PODXL2: variants seen among roughly 807,000 people sequenced by gnomAD.
PODXL2 encodes podocalyxin like 2.
A neutral mutation model predicts 53.4 loss-of-function variants in PODXL2; 17 were observed. The observed-to-expected ratio is 0.32, with a 90% CI of 0.22 to 0.48. The LOEUF is 0.48. Ranked by LOEUF, PODXL2 falls within the 20% of genes least tolerant of loss-of-function variation. PODXL2 has a pLI of 0.99. For synonymous variants in PODXL2, 311 were observed against 306.7 expected, an observed-to-expected ratio of 1.01 and a Z score of -0.15; for missense variants, 673 against 760.0, an observed-to-expected ratio of 0.89 and a Z score of 1.35.
At chr3:127,664,850 CATT>C (rs1559878646) in intron 4 of PODXL2, among the ~76,000 whole-genome samples, 1 of 152,030 alleles carries the variant, frequency 6.6e-6, no homozygotes, top group African/African-American at 2.4e-5. Context: ...GAGCATTAGT[CATT>C]ATTATTAACA....
At chr3:127,645,970 C>T (rs1463015000) in intron 2 of PODXL2, among the ~76,000 whole-genome samples, 1 of 152,142 alleles carries the variant, frequency 6.6e-6, no homozygotes, top group Non-Finnish European at 1.5e-5. Flanking sequence ...ATTGACTGTG[C>T]CAAGTGCTAT....
intron 4 of PODXL2, 138 bp downstream of exon 4, chr3:127,662,449 G>A (rs2074773961): frequency 1.7e-6 from 1 of 601,470 alleles, no homozygotes. Context: ...GGATATACCA[G>A]CAGCCATCAA....
At chr3:127,650,633 C>G (rs1220232922) in intron 2 of PODXL2, among the ~76,000 whole-genome samples, 1 of 152,100 alleles carries the variant, frequency 6.6e-6, no homozygotes, top group South Asian at 2.1e-4. Context: ...TTGTAACACT[C>G]TTTTTTGTTT....
intron 6 of PODXL2, among the ~76,000 whole-genome samples, chr3:127,670,176 G>A (rs1417451168): frequency 1.3e-5 from 2 of 152,216 alleles, no homozygotes; most frequent in Admixed American, 6.5e-5. Context: ...GGGTTGTGAG[G>A]GTTAAGTGAG....
At chr3:127,666,192 G>A (rs2074794174) in intron 4 of PODXL2, among the ~76,000 whole-genome samples, 1 of 152,086 alleles carries the variant, frequency 6.6e-6, no homozygotes. Context: ...AATTAGTTTT[G>A]GTAAATGATG....
intron 2 of PODXL2, among the ~76,000 whole-genome samples, chr3:127,645,264 G>C (rs1338677131): frequency 6.6e-6 from 1 of 152,216 alleles, no homozygotes; most frequent in African/African-American, 2.4e-5. Context: ...CACATTGCTT[G>C]GATGTAATGG....
chr3:127,646,588 A>G lies in PODXL2; in HGVS notation c.349+7065A>G, dbSNP rs574717888. Among the ~76,000 whole-genome samples, 28 of 152,192 alleles carry G rather than the reference A, an allele frequency of 1.8e-4. No individual in the cohort carries two copies. In the South Asian group the frequency reaches 1.9e-3, roughly 10 times the overall value. On this transcript the variant is annotated intron_variant, in intron 2 of 7. Coordinates refer to ENST00000342480, the MANE Select transcript of PODXL2 (RefSeq NM_015720.4). ...TTTTTAGTGGAGACGGGGTTTCCCC[A>G]TGTTGGCCAGGATGGTCTCAAACTC...
At chr3:127,663,072 A>G (rs1352858726) in intron 4 of PODXL2, among the ~76,000 whole-genome samples, 2 of 151,940 alleles carry the variant, frequency 1.3e-5, no homozygotes, top group Non-Finnish European at 2.9e-5. Context: ...TAGGTCAGAG[A>G]CCCTCTGTTT....
At chr3:127,667,624 C>T (rs7627836) in intron 4 of PODXL2, among the ~76,000 whole-genome samples, 7,642 of 152,322 alleles carry the variant, frequency 0.05, 617 homozygotes, top group African/African-American at 0.17. Context: ...TGGGCTCTTG[C>T]CATTCGTTGA....
chr3:127,655,090 C>A (rs1264062969), intron 2 of PODXL2, among the ~76,000 whole-genome samples: 1 of 152,012 alleles, frequency 6.6e-6, no homozygotes, highest in Non-Finnish European at 1.5e-5. Context: ...TTACAGGCAC[C>A]TACCACCACA....
intron 1 of PODXL2, among the ~76,000 whole-genome samples, chr3:127,637,499 A>G (rs1296173938): frequency 2.0e-5 from 3 of 152,172 alleles, no homozygotes; most frequent in Non-Finnish European, 2.9e-5. Flanking sequence ...TGGCTCACCA[A>G]TTACCTCATT....
chr3:127,642,513 G>A (rs1028658479), intron 2 of PODXL2, among the ~76,000 whole-genome samples: 2 of 152,008 alleles, frequency 1.3e-5, no homozygotes, highest in African/African-American at 4.8e-5. Flanking sequence ...GTGAGACCAG[G>A]GAAGGGATGA....
At chr3:127,669,108 G>T (rs756876421) in intron 5 of PODXL2, 33 bp from the exon 6 acceptor site, 105 of 1,526,056 alleles carry the variant, frequency 6.9e-5, no homozygotes, top group Non-Finnish European at 9.1e-5. Flanking sequence ...CTCAGCCATG[G>T]TCACACTGAT....
intron 1 of PODXL2, 47 bp from the exon 2 acceptor site, chr3:127,639,198 T>G: frequency 2.0e-6 from 3 of 1,523,892 alleles, no homozygotes; most frequent in Non-Finnish European, 2.6e-6. Flanking sequence ...ACCAGTCTTG[T>G]GTCTTCTCTA....
At chr3:127,665,005 G>A (rs1423990396) in intron 4 of PODXL2, among the ~76,000 whole-genome samples, 1 of 152,064 alleles carries the variant, frequency 6.6e-6, no homozygotes, top group East Asian at 1.9e-4. Flanking sequence ...ATTAGTTTGT[G>A]TTTCCTCAGA....
At chr3:127,662,555 G>C (rs1002932700) in intron 4 of PODXL2, among the ~76,000 whole-genome samples, 1 of 152,186 alleles carries the variant, frequency 6.6e-6, no homozygotes, top group African/African-American at 2.4e-5. Context: ...CTTTGTTCAT[G>C]TGTGCACCAT....
intron 1 of PODXL2, among the ~76,000 whole-genome samples, chr3:127,630,975 G>C (rs549315747): frequency 1.3e-5 from 2 of 152,226 alleles, no homozygotes; most frequent in Non-Finnish European, 2.9e-5. Flanking sequence ...CAGCTGTGAG[G>C]ACTGCAGGCA....
intron 2 of PODXL2, among the ~76,000 whole-genome samples, chr3:127,650,663 G>A (rs1385950282): frequency 6.6e-6 from 1 of 151,662 alleles, no homozygotes; most frequent in African/African-American, 2.4e-5. Flanking sequence ...TTTTTTTGTT[G>A]TTGTCGTTGT....
chr3:127,660,335 G>T, intron 2 of PODXL2, 43 bp from the exon 3 acceptor site: 2 of 1,590,548 alleles, frequency 1.3e-6, no homozygotes, highest in South Asian at 2.3e-5. Flanking sequence ...GTAAAGCAAT[G>T]AATGATGAAA....
Sources: allele counts gnomAD v4.1 joint callset (sites outside exome capture counted in the v4.1 genomes callset), GRCh38; gene constraint gnomAD v4.1.1; transcripts MANE v1.5; gene names NCBI Gene and HGNC (gene_info 2026-07-23, HGNC 2026-07-21).